The following KDM5A variants were observed in gnomAD, a reference collection of about 807,000 sequenced individuals.
KDM5A encodes lysine demethylase 5A, also known as lysine-specific demethylase 5A.
A neutral mutation model predicts 193.5 loss-of-function variants in KDM5A; 42 were observed. The observed-to-expected ratio is 0.22, with a 90% CI of 0.17 to 0.28. The LOEUF (loss-of-function observed/expected upper bound fraction) is 0.28, where lower values mean the gene tolerates loss of function less well. Ranked by LOEUF, KDM5A falls within the 10% of genes least tolerant of loss-of-function variation. The pLI is 1.00. For missense variants in KDM5A, 1,692 were observed against 2,055.1 expected (o/e 0.82, Z 3.42); for synonymous variants, 796 against 718.1 (o/e 1.11, Z -1.73).
At position 374,402 on chromosome 12, in the gene KDM5A, C is replaced by T. The variant is rs192665736; in HGVS notation, c.367-8298G>A. Among the ~76,000 whole-genome samples, 5 of 152,216 alleles carry T rather than the reference C, an allele frequency of 3.3e-5. No homozygotes were observed. In the East Asian group the frequency reaches 9.7e-4, roughly 29 times the overall value. Reference sequence around the variant, plus strand: ...TCAGAGACTAGGATTGCAACCCCTGCCTTTTTTGTTTTCCATTTGCTTGGT... The same window carrying T: ...TCAGAGACTAGGATTGCAACCCCTGTCTTTTTTGTTTTCCATTTGCTTGGT... On this transcript the variant is annotated intron_variant, in intron 3 of 27. Transcript: ENST00000399788.
intron 27 of KDM5A, 46 bp downstream of exon 27, chr12:292,713 T>C (rs1185095260): frequency 6.2e-7 from 1 of 1,613,516 alleles, no homozygotes; most frequent in East Asian, 2.2e-5. Context: ...TCCACAACTG[T>C]TGCTCCTTGA....
intron 14 of KDM5A, among the ~76,000 whole-genome samples, 180 bp from the exon 15 acceptor site, chr12:323,961 G>A (rs565989162): frequency 6.6e-6 from 1 of 152,160 alleles, no homozygotes; most frequent in South Asian, 2.1e-4. Context: ...TTTTTTCAAT[G>A]GGCAAGATTA....
intron 3 of KDM5A, among the ~76,000 whole-genome samples, chr12:371,790 G>A (rs909989968): frequency 2.0e-5 from 3 of 152,132 alleles, no homozygotes; most frequent in African/African-American, 7.2e-5. Context: ...TAAGTTGTAA[G>A]GAAGGGATCC....
At chr12:365,834 A>T in intron 4 of KDM5A, 100 bp downstream of exon 4, 4 of 1,157,302 alleles carry the variant, frequency 3.5e-6, no homozygotes, top group Non-Finnish European at 3.9e-6. Context: ...TTGCTTCCCC[A>T]AATTTTGGTG....
chr12:374,442 C>A (rs1304069472), intron 3 of KDM5A, among the ~76,000 whole-genome samples: 1 of 152,162 alleles, frequency 6.6e-6, no homozygotes, highest in Admixed American at 6.5e-5. Context: ...CTTCCTCCAT[C>A]CCTTTATTTT....
intron 8 of KDM5A, 121 bp from the exon 9 acceptor site, chr12:352,445 A>C: frequency 1.2e-6 from 1 of 841,542 alleles, no homozygotes; most frequent in African/African-American, 1.7e-5. Context: ...TCAACCCTAG[A>C]CAACAAAACA....
rs1944631431 is a variant in KDM5A, at chr12:385,813, G to A, written c.243+84C>T. 4 of 962,634 alleles carry A rather than the reference G, an allele frequency of 4.2e-6. No homozygotes were observed. The East Asian group carries it at 7.2e-5, about 17-fold the overall frequency. The allele number at this position is 962,634 out of a possible 1,614,324, so 59.6% of individuals were successfully genotyped here. A position where few individuals can be genotyped will look rare whatever the true frequency, so the allele number is the denominator to read the frequency against. ...CAATTAACACAAACTCTAGGCTGTG[G>A]TACATGAGCTTCTCAAAGTTCTCTA... is the stretch of plus-strand genomic sequence containing the variant. On this transcript the variant is annotated intron_variant, in intron 2 of 27. Transcript: ENST00000399788.
At chr12:373,129 C>T (rs558193566) in intron 3 of KDM5A, among the ~76,000 whole-genome samples, 23 of 152,298 alleles carry the variant, frequency 1.5e-4, no homozygotes, top group African/African-American at 4.1e-4. Context: ...GGAGAATTCC[C>T]TCTTGTTCTA....
In KDM5A at chr12:313,159, A is replaced by G. The variant is rs563156973; in HGVS notation, c.2933T>C (p.Val978Ala). The change falls in exon 20 of 28, where the codon GTG becomes GCG. Residue 978 changes from valine (V) to alanine (A), a missense_variant. Around this residue, in one of 11 missense-constraint regions of KDM5A, gnomAD observed 965 missense variants for 1,061.0 expected, o/e 0.91. Coordinates refer to ENST00000399788, the MANE Select transcript of KDM5A (RefSeq NM_001042603.3). ...RHSVASLESI[V>A]NEAKNIPAFL... ...GGCTGGAATGTTCTTGGCTTCATTC[A>G]CAATGCTTTCTAAACTTGCCACACT... 54 of 1,614,158 alleles carry G rather than the reference A, an allele frequency of 3.3e-5. No individual in the cohort carries two copies. In the South Asian group the frequency reaches 5.7e-4, roughly 17 times the overall value.
chr12:291,367 T>C (rs2137362771), intron 27 of KDM5A, among the ~76,000 whole-genome samples: 1 of 152,374 alleles, frequency 6.6e-6, no homozygotes, highest in South Asian at 2.1e-4. Flanking sequence ...TGTGTTTTTG[T>C]ACTTACATCT....
rs538782749 is a variant in KDM5A, at chr12:354,546, T to A, written c.871-312A>T. 2.2e-4 allele frequency among the ~76,000 whole-genome samples: 33 copies of A among 152,238 alleles called. No homozygotes were observed. In the South Asian group the frequency reaches 6.6e-3, roughly 31 times the overall value. ...CACTTTGGGAGCCACAGTGGGCAGA[T>A]CACGAGGTCAGGAGATTGAGACCAT... On this transcript the variant is annotated intron_variant, in intron 7 of 27. Coordinates refer to ENST00000399788, the MANE Select transcript of KDM5A (RefSeq NM_001042603.3).
At chr12:377,430 T>A (rs1221679293) in intron 3 of KDM5A, among the ~76,000 whole-genome samples, 1 of 151,884 alleles carries the variant, frequency 6.6e-6, no homozygotes, top group Non-Finnish European at 1.5e-5. Flanking sequence ...CACATACCAA[T>A]GCATATCACC....
At chr12:312,743 A>G (rs1473308345) in intron 20 of KDM5A, among the ~76,000 whole-genome samples, 1 of 152,188 alleles carries the variant, frequency 6.6e-6, no homozygotes, top group Admixed American at 6.5e-5. Flanking sequence ...AGCCTACCTT[A>G]AAGGTGCTCA....
intron 3 of KDM5A, among the ~76,000 whole-genome samples, chr12:372,672 T>G (rs1249000102): frequency 6.6e-6 from 1 of 152,202 alleles, no homozygotes; most frequent in Non-Finnish European, 1.5e-5. Context: ...ATTGTACTAG[T>G]TTTCAAAGGG....
chr12:296,553 AC>A (rs1943376858), intron 25 of KDM5A, among the ~76,000 whole-genome samples: 1 of 152,200 alleles, frequency 6.6e-6, no homozygotes, highest in Non-Finnish European at 1.5e-5. Context: ...AAAGAGATAA[AC>A]ACCCTCCATC....
intron 25 of KDM5A, among the ~76,000 whole-genome samples, chr12:296,322 C>CAAA (rs973972360): frequency 1.9e-5 from 2 of 107,370 alleles, no homozygotes; most frequent in Admixed American, 1.0e-4. Flanking sequence ...AACTCCATCT[C>CAAA]AAAAAAAAAA....
intron 27 of KDM5A, among the ~76,000 whole-genome samples, chr12:287,881 G>A (rs191004967): frequency 2.9e-4 from 44 of 152,196 alleles, no homozygotes; most frequent in Middle Eastern, 3.4e-3. Flanking sequence ...ATACTCACTG[G>A]CTTACAATTT....
intron 9 of KDM5A, among the ~76,000 whole-genome samples, chr12:351,855 G>C (rs1338653282): frequency 6.6e-6 from 1 of 151,866 alleles, no homozygotes; most frequent in East Asian, 1.9e-4. Context: ...TATAATCCCA[G>C]AACTTTGGGA....
At position 321,060 on chromosome 12, in the gene KDM5A, A is replaced by G. The variant is rs768530903; in HGVS notation, c.2476T>C (p.Leu826=). The G allele has an allele frequency of 1.9e-6, 3 of 1,614,058 alleles. No individual in the cohort carries two copies. Among genetic ancestry groups the G allele is most frequent in the South Asian group, 1.1e-5 (1 of 91,082 alleles). The change falls in exon 18 of 28, where the codon TTG becomes CTG. Residue 826 remains leucine, a synonymous_variant. Coordinates refer to ENST00000399788, the MANE Select transcript of KDM5A (RefSeq NM_001042603.3). ...AAAAGTTGTTGGACAAAGGCCTTCA[A>G]TTCTTCCACTGTCAGTTTGGTCCGA... ...RTRTKLTVEE[L]KAFVQQLFSL... is the part of the protein sequence containing the mutation.
Sources: gnomAD v4.1 joint callset for allele counts (sites outside exome capture counted in the v4.1 genomes callset) on GRCh38, gnomAD v4.1.1 for gene constraint, gnomAD v4.1.1 regional missense constraint, MANE v1.5 for transcripts, NCBI Gene and HGNC (gene_info 2026-07-23, HGNC 2026-07-21) for gene names.